The following AP2B1 variants were observed in gnomAD, a reference collection of about 807,000 sequenced individuals.
AP2B1 encodes the protein AP-2 complex subunit beta.
A neutral mutation model predicts 102.0 loss-of-function variants in AP2B1; 23 were observed. The observed-to-expected ratio is 0.23, with a 90% confidence interval of 0.16 to 0.32. AP2B1 has a LOEUF of 0.32. AP2B1 is among the 10% of genes least tolerant of loss of function. AP2B1 has a pLI of 1.00. For missense variants in AP2B1, 541 were observed against 1,157.4 expected, an observed-to-expected ratio of 0.47 and a Z score of 7.73; for synonymous variants, 381 against 421.2, an observed-to-expected ratio of 0.90 and a Z score of 1.17.
At chr17:35,693,762 TTC>T (rs2076085685) in intron 18 of AP2B1, among the ~76,000 whole-genome samples, 1 of 38,434 alleles carries the variant, frequency 2.6e-5, no homozygotes, top group African/African-American at 9.8e-5. Flanking sequence ...AGCACAGAAC[TTC>T]TCGATTCCAT....
intron 21 of AP2B1, among the ~76,000 whole-genome samples, chr17:35,718,969 C>T (rs1555591496): frequency 1.3e-5 from 2 of 152,080 alleles, no homozygotes; most frequent in African/African-American, 2.4e-5. Flanking sequence ...TGTTTCTTGA[C>T]ACTCTTCTTA....
intron 1 of AP2B1, 56 bp downstream of exon 1, chr17:35,587,484 G>C (rs575624993): frequency 1.3e-5 from 2 of 152,768 alleles, no homozygotes; most frequent in South Asian, 2.1e-4. Context: ...GGTCGGGGAC[G>C]GAGAGAAGGG....
intron 14 of AP2B1, 93 bp downstream of exon 14, chr17:35,657,884 T>G: frequency 8.8e-7 from 1 of 1,139,926 alleles, no homozygotes; most frequent in Non-Finnish European, 1.2e-6. Context: ...AACTAGACCT[T>G]TCCTTGATGA....
chr17:35,717,916 C>A (rs1464616954), intron 21 of AP2B1, among the ~76,000 whole-genome samples: 4 of 152,172 alleles, frequency 2.6e-5, no homozygotes, highest in African/African-American at 7.2e-5. Context: ...AGTAAAACTT[C>A]TGGCAATAAT....
At position 35,627,496 on chromosome 17, in the gene AP2B1, C is replaced by T. The variant is rs751777393; in HGVS notation, c.1050C>T (p.Asn350=). The T allele has an allele frequency of 1.1e-5, 18 of 1,614,050 alleles. No homozygotes were observed. In the Admixed American group the frequency reaches 1.7e-4, roughly 15 times the overall value. The part of the protein sequence containing the change: ...DIMIRLASQA[N]IAQVLAELKE... ...TGATTCGTTTGGCATCTCAAGCCAA[C>T]ATTGCTCAGGTCAGACTTTATGCAG... The change falls in exon 8 of 22, where the codon AAC becomes AAT. Residue 350 remains asparagine (N), a synonymous_variant. Coordinates refer to ENST00000610402, the MANE Select transcript of AP2B1 (RefSeq NM_001030006.2).
intron 1 of AP2B1, among the ~76,000 whole-genome samples, chr17:35,590,229 T>C (rs959641468): frequency 6.6e-6 from 1 of 152,318 alleles, no homozygotes; most frequent in Non-Finnish European, 1.5e-5. Flanking sequence ...TAACTTCTAA[T>C]GAAGACGTCA....
Position 35,650,759 on chromosome 17 carries a change from A to G in AP2B1, c.1766A>G (p.His589Arg). ...TTTGTGGAAGGAAGTCATGGAATTC[A>G]TCGTAAACACTTGCCAATTCATCAT... ...NAFVEGSHGI[H>R]RKHLPIHHGS... The change falls in exon 13 of 22, where the codon CAT (histidine) becomes CGT (arginine). Residue 589 changes from histidine to arginine, a missense_variant. Physicochemically the swap from His to Arg is conservative, Grantham distance 29. Transcript: ENST00000610402. 6.2e-7 allele frequency: 1 copy of G among 1,614,220 alleles called. No individual in the cohort carries two copies. Among genetic ancestry groups the G allele is most frequent in the East Asian group, 2.2e-5 (1 of 44,884 alleles).
At chr17:35,673,201 C>G (rs2075627050) in intron 16 of AP2B1, among the ~76,000 whole-genome samples, 1 of 151,924 alleles carries the variant, frequency 6.6e-6, no homozygotes, top group Non-Finnish European at 1.5e-5. Flanking sequence ...CAGCTCATGA[C>G]TCCTGATTTT....
In AP2B1 at chr17:35,624,594, C is replaced by A; in HGVS notation, c.716+7C>A. ...ATGATCGGGAGGCTCAGAGGTCAGT[C>A]TGTTTTCCTGGCTACTTTCTGGTAG... On this transcript the variant is annotated splice_region_variant and intron_variant, in intron 6 of 21. Coordinates refer to ENST00000610402, the MANE Select transcript of AP2B1 (RefSeq NM_001030006.2). 1 of 1,605,538 alleles carries A rather than the reference C, an allele frequency of 6.2e-7. No homozygotes were observed. Among genetic ancestry groups the A allele is most frequent in the South Asian group, 1.1e-5 (1 of 90,470 alleles).
chr17:35,670,828 C>T lies in AP2B1; in HGVS notation c.1990-29C>T, dbSNP rs372993948. The stretch of plus-strand genomic sequence containing the variant: ...ATTTAGCTAAATGAACTCTACCTCT[C>T]TCTCCTCTCTCTCCTTTCTCTCTTT... On this transcript the variant is annotated intron_variant, in intron 14 of 21. Coordinates refer to ENST00000610402, the MANE Select transcript of AP2B1 (RefSeq NM_001030006.2). 3 of 1,611,866 alleles carry T rather than the reference C, an allele frequency of 1.9e-6. No individual in the cohort carries two copies. The African/African-American group carries it at 4.0e-5, about 22-fold the overall frequency.
rs1262855720 is a variant in AP2B1, at chr17:35,671,874, C to G, written c.2152C>G (p.Pro718Ala). The G allele has an allele frequency of 1.2e-6, 2 of 1,613,956 alleles. No homozygotes were observed. Among genetic ancestry groups the G allele is most frequent in the Non-Finnish European group, 1.7e-6 (2 of 1,179,988 alleles). Reference protein sequence around the residue: ...FELSTGIGMAPGGYVAPKAVW... With the variant: ...FELSTGIGMAAGGYVAPKAVW... ...ACTCTCCACAGGGATAGGCATGGCA[C>G]CTGGTGGATATGTGGCTCCTAAGGC... The change falls in exon 16 of 22, where the codon CCT (proline) becomes GCT (alanine). Residue 718 changes from proline (P) to alanine (A), a missense_variant. By Grantham distance (27) the Pro-to-Ala change is conservative (BLOSUM62 -1). Transcript: ENST00000610402.
At chr17:35,707,588 G>T (rs1232142835) in intron 18 of AP2B1, among the ~76,000 whole-genome samples, 3 of 152,000 alleles carry the variant, frequency 2.0e-5, no homozygotes, top group Admixed American at 6.6e-5. Context: ...GAGTAGCTGG[G>T]ACTACAGCCA....
At chr17:35,638,689 T>A (rs1474811772) in intron 10 of AP2B1, among the ~76,000 whole-genome samples, 1 of 149,376 alleles carries the variant, frequency 6.7e-6, no homozygotes, top group Non-Finnish European at 1.5e-5. Flanking sequence ...CTCGGGAGGC[T>A]GAGGCAGGAG....
intron 14 of AP2B1, chr17:35,659,907 A>C (rs1397757535): frequency 1.0e-6 from 1 of 985,264 alleles, no homozygotes; most frequent in Non-Finnish European, 1.2e-6. Flanking sequence ...TCAGAGAATC[A>C]AGGTTCCTTT....
chr17:35,595,274 T>C (rs1008960249), intron 2 of AP2B1, among the ~76,000 whole-genome samples: 25 of 152,330 alleles, frequency 1.6e-4, no homozygotes, highest in African/African-American at 6.0e-4. Flanking sequence ...CCAGGCATGG[T>C]GGCTTATGCC....
chr17:35,669,781 G>A (rs1397886207), intron 14 of AP2B1, among the ~76,000 whole-genome samples: 2 of 152,052 alleles, frequency 1.3e-5, no homozygotes, highest in East Asian at 1.9e-4. Flanking sequence ...ACAGCTCAAC[G>A]ACCTGCAACT....
chr17:35,722,147 G>A (rs2085414970), intron 21 of AP2B1, among the ~76,000 whole-genome samples: 1 of 152,192 alleles, frequency 6.6e-6, no homozygotes, highest in Admixed American at 6.5e-5. Context: ...GCGAGGCTCA[G>A]GCAGGAGAAT....
chr17:35,719,359 CA>C (rs79483329), intron 21 of AP2B1, among the ~76,000 whole-genome samples: 39 of 143,056 alleles, frequency 2.7e-4, no homozygotes, highest in East Asian at 6.0e-4. Context: ...TCTGTCACCA[CA>C]AAAAAAAAAA....
At chr17:35,708,893 C>A (rs1194244050) in intron 18 of AP2B1, among the ~76,000 whole-genome samples, 1 of 152,050 alleles carries the variant, frequency 6.6e-6, no homozygotes, top group Admixed American at 6.6e-5. Context: ...GAAATAATAT[C>A]ATTAATAGGT....
Sources: allele counts gnomAD v4.1 joint callset (sites outside exome capture counted in the v4.1 genomes callset), GRCh38; gene constraint gnomAD v4.1.1; transcripts MANE v1.5; gene names NCBI Gene and HGNC (gene_info 2026-07-23, HGNC 2026-07-21).